The following SNX19 variants were observed in gnomAD, a reference collection of about 807,000 sequenced individuals.
The protein encoded by SNX19 is sorting nexin-19.
SNX19 carries 60 observed loss-of-function variants against 85.2 expected under a neutral mutation model. The observed-to-expected ratio is 0.70, with a 90% CI of 0.57 to 0.87. The LOEUF (loss-of-function observed/expected upper bound fraction) is 0.87, where lower values mean the gene tolerates loss of function less well. Among genes scored for constraint, SNX19 ranks in the 40% least tolerant of loss-of-function variants. SNX19 has a pLI of 0.00. For missense variants in SNX19, 1,201 were observed against 1,217.8 expected (o/e 0.99, Z 0.21); for synonymous variants, 520 against 470.0 (o/e 1.11, Z -1.38).
chr11:130,894,199 A>G (rs937404316), intron 8 of SNX19, among the ~76,000 whole-genome samples: 2 of 152,168 alleles, frequency 1.3e-5, no homozygotes, highest in African/African-American at 4.8e-5. Context: ...TTTATACAGA[A>G]TATTAACAAA....
chr11:130,902,502 C>CT (rs1204283953), intron 8 of SNX19, among the ~76,000 whole-genome samples: 1 of 152,162 alleles, frequency 6.6e-6, no homozygotes, highest in South Asian at 2.1e-4. Context: ...CTTCCTCTTA[C>CT]TTTGGGATGT....
intron 1 of SNX19, among the ~76,000 whole-genome samples, chr11:130,913,447 T>C (rs946858686): frequency 2.0e-5 from 3 of 152,234 alleles, no homozygotes; most frequent in Non-Finnish European, 4.4e-5. Flanking sequence ...ATAATGTTAC[T>C]TTCTAAAATG....
Position 130,915,346 on chromosome 11 carries a change from T to C in SNX19, c.594A>G (p.Pro198=). 6.2e-7 allele frequency: 1 copy of C among 1,614,172 alleles called. No homozygotes were observed. Among genetic ancestry groups the C allele is most frequent in the Middle Eastern group, 1.7e-4 (1 of 6,060 alleles). Residue 198 remains proline, a synonymous_variant, in exon 1 of 11, where the codon CCA becomes CCG. Coordinates refer to ENST00000265909, the MANE Select transcript of SNX19 (RefSeq NM_014758.3). ...CACTGGGGCTGTGCACAGCAGGATG[T>C]GGGGCAGTCGCCCGGCAGTAAGCCT... The part of the protein sequence containing the change: ...LWEAYCRATA[P]HPAVHSPSAE...
At chr11:130,886,107 G>T (rs1944046802) in intron 8 of SNX19, among the ~76,000 whole-genome samples, 1 of 152,078 alleles carries the variant, frequency 6.6e-6, no homozygotes, top group South Asian at 2.1e-4. Context: ...TTAGACCCAG[G>T]GACTTTTGGA....
chr11:130,885,488 A>C lies in SNX19; in HGVS notation c.2574-4682T>G, dbSNP rs117699395. ...GAGTAAGGAGAAGGCTTTAGAGACC[A>C]TGTCTAATCCAATTAGCCAAATCCC... On this transcript the variant is annotated intron_variant, in intron 8 of 10. Coordinates refer to ENST00000265909, the MANE Select transcript of SNX19 (RefSeq NM_014758.3). 6.4e-4 allele frequency among the ~76,000 whole-genome samples: 97 copies of C among 152,376 alleles called. 2 individuals are homozygous for C. The East Asian group carries it at 0.017, about 26-fold the overall frequency.
At chr11:130,889,534 G>A (rs1393566874) in intron 8 of SNX19, among the ~76,000 whole-genome samples, 1 of 114,484 alleles carries the variant, frequency 8.7e-6, no homozygotes, top group East Asian at 2.6e-4. Context: ...GCAAAACTTT[G>A]AGTGATACCT....
intron 8 of SNX19, chr11:130,895,001 G>T (rs1944778673): frequency 1.0e-6 from 1 of 985,262 alleles, no homozygotes; most frequent in African/African-American, 1.7e-5. Context: ...CTCAAAGCAA[G>T]ATCTGATTTC....
At chr11:130,898,152 G>GT (rs35343079) in intron 8 of SNX19, among the ~76,000 whole-genome samples, 93,790 of 148,152 alleles carry the variant, frequency 0.63, 29,667 homozygotes, top group South Asian at 0.79. Flanking sequence ...AACTTACTCT[G>GT]TTTTTTTTTT....
intron 8 of SNX19, among the ~76,000 whole-genome samples, chr11:130,886,281 T>C (rs4459316): frequency 0.44 from 66,687 of 151,992 alleles, 14,936 homozygotes; most frequent in South Asian, 0.56. Context: ...GTTTCGTATG[T>C]ATGTACATAT....
intron 2 of SNX19, 60 bp from the exon 3 acceptor site, chr11:130,910,430 C>A: frequency 8.6e-7 from 1 of 1,156,248 alleles, no homozygotes; most frequent in Non-Finnish European, 1.2e-6. Context: ...AGAGCTATTC[C>A]ATATAAAACA....
In SNX19 at chr11:130,914,430, A is replaced by C; in HGVS notation, c.1510T>G (p.Ser504Ala). ...LDPTLPPVLL[S>A]SSPPGPLSSA... ...CTGAGAGGACCAGGTGGAGAGGAGG[A>C]AAGCAGAACTGGTGGCAGAGTAGGA... Residue 504 changes from serine (S) to alanine (A), a missense_variant, in exon 1 of 11, where the codon TCC (serine) becomes GCC (alanine). By Grantham distance (99) the Ser-to-Ala change is moderately conservative. Coordinates refer to ENST00000265909, the MANE Select transcript of SNX19 (RefSeq NM_014758.3). The C allele has an allele frequency of 6.2e-7, 1 of 1,613,906 alleles. No individual in the cohort carries two copies. The highest frequency in any genetic ancestry group is 1.1e-5 in the South Asian group (1 of 91,068).
rs1946394901 is a variant in SNX19 at position 130,914,592 on chromosome 11, C to T, written c.1348G>A (p.Asp450Asn). ...TLNSCPEIHIDTADKEIEQGD... is the reference protein window; with the variant it reads ...TLNSCPEIHINTADKEIEQGD... ...TGTTCTATCTCCTTGTCTGCTGTGT[C>T]AATATGGATCTCTGGGCAGGAATTC... is the stretch of plus-strand genomic sequence containing the variant. The change falls in exon 1 of 11, where the codon GAC (aspartate) becomes AAC (asparagine). Residue 450 changes from aspartate to asparagine, a missense_variant. Transcript: ENST00000265909. 1.4e-5 allele frequency: 22 copies of T among 1,613,976 alleles called. No individual in the cohort carries two copies. The highest frequency in any genetic ancestry group is 1.8e-5 in the Non-Finnish European group (21 of 1,179,868).
chr11:130,883,655 C>T (rs1943847790), intron 8 of SNX19, among the ~76,000 whole-genome samples: 3 of 152,200 alleles, frequency 2.0e-5, no homozygotes, highest in African/African-American at 4.8e-5. Context: ...CTCTTGCCTA[C>T]GTTCTGCCCA....
chr11:130,914,813 G>T lies in SNX19; in HGVS notation c.1127C>A (p.Pro376Gln), dbSNP rs751689207. The T allele has an allele frequency of 8.1e-6, 13 of 1,614,088 alleles. No individual in the cohort carries two copies. The South Asian group carries it at 1.4e-4, about 18-fold the overall frequency. The change falls in exon 1 of 11, where the codon CCG becomes CAG. Residue 376 changes from proline to glutamine, a missense_variant. Transcript: ENST00000265909. Reference protein sequence around the residue: ...FLCEDSELESPLSELGKETIM... With the variant: ...FLCEDSELESQLSELGKETIM... ...GGTTTCTTTGCCCAGTTCAGACAGC[G>T]GAGACTCCAGCTCTGAGTCTTCACA...
chr11:130,915,786 A>G lies in SNX19; in HGVS notation c.154T>C (p.Cys52Arg), dbSNP rs1946536140. ...ACCACTAGCAATGCCGACAGAAGGC[A>G]CAGCAGCCACACGTTGACCAGAAGG... Reference protein sequence around the residue: ...IHLLVNVWLLCLLSALLVVLG... With the variant: ...IHLLVNVWLLRLLSALLVVLG... The change falls in exon 1 of 11, where the codon TGC (cysteine) becomes CGC (arginine). Residue 52 changes from cysteine (C) to arginine (R), a missense_variant. Cys to Arg is a radical substitution (Grantham distance 180). This residue lies in a region of SNX19 where 791 missense variants were observed against 750.9 expected (regional missense o/e 1.05). Coordinates refer to ENST00000265909, the MANE Select transcript of SNX19 (RefSeq NM_014758.3). 25 of 1,614,080 alleles carry G rather than the reference A, an allele frequency of 1.5e-5. No homozygotes were observed. The highest frequency in any genetic ancestry group is 2.1e-5 in the Non-Finnish European group (25 of 1,180,038).
In SNX19 at chr11:130,874,040, T is replaced by A. The variant is rs558744080; in HGVS notation, c.*4382A>T. Among the ~76,000 whole-genome samples, 22 of 152,048 alleles carry A rather than the reference T, an allele frequency of 1.4e-4. No homozygotes were observed. The highest frequency in any genetic ancestry group is 4.6e-4 in the African/African-American group (19 of 41,478). Reference sequence around the variant, plus strand: ...AGAGGTTTTTTGTTTTTTTTTTTTTTATTTGGGGTCTCACTCTGTCACTTA... The same window carrying A: ...AGAGGTTTTTTGTTTTTTTTTTTTTAATTTGGGGTCTCACTCTGTCACTTA... On this transcript the variant is annotated 3_prime_UTR_variant, in exon 11 of 11. Coordinates refer to ENST00000265909, the MANE Select transcript of SNX19 (RefSeq NM_014758.3).
intron 7 of SNX19, 29 bp from the exon 8 acceptor site, chr11:130,903,413 C>T (rs2135380630): frequency 6.2e-7 from 1 of 1,608,460 alleles, no homozygotes; most frequent in Middle Eastern, 2.2e-4. Context: ...TCAGGAGTAA[C>T]TCAGAAGAGA....
chr11:130,893,560 T>C (rs912945230), intron 8 of SNX19, among the ~76,000 whole-genome samples: 1 of 152,056 alleles, frequency 6.6e-6, no homozygotes, highest in East Asian at 1.9e-4. Context: ...CAGGCTGAAA[T>C]GTAAAACCTT....
intron 8 of SNX19, chr11:130,902,952 G>A (rs1272579019): frequency 7.3e-6 from 2 of 272,118 alleles, no homozygotes; most frequent in Admixed American, 5.1e-5. Flanking sequence ...CAGGGCTGGA[G>A]GATATAACTG....
Sources: gnomAD v4.1 joint callset for allele counts (sites outside exome capture counted in the v4.1 genomes callset) on GRCh38, gnomAD v4.1.1 for gene constraint, gnomAD v4.1.1 regional missense constraint, MANE v1.5 for transcripts, NCBI Gene and HGNC (gene_info 2026-07-23, HGNC 2026-07-21) for gene names.